DDX51: variants seen among roughly 807,000 people sequenced by gnomAD.
The protein encoded by DDX51 is DEAD-box helicase 51.
Under a neutral mutation model 74.6 loss-of-function variants are expected in DDX51, and 67 were observed. The observed-to-expected ratio is 0.90, with a 90% confidence interval of 0.74 to 1.10. The LOEUF is 1.10. Ranked by LOEUF, DDX51 falls within the 50% of genes least tolerant of loss-of-function variation. The pLI is 0.00. For synonymous variants in DDX51, 545 were observed against 402.9 expected, an observed-to-expected ratio of 1.35 and a Z score of -4.22; for missense variants, 1,056 against 905.2, an observed-to-expected ratio of 1.17 and a Z score of -2.14.
chr12:132,139,380 C>G (rs1462763029), intron 14 of DDX51, 82 bp from the exon 15 acceptor site: 2 of 1,570,320 alleles, frequency 1.3e-6, no homozygotes, highest in African/African-American at 1.3e-5. Flanking sequence ...CCCCTGGAAC[C>G]CTGAGGACAG....
intron 6 of DDX51, 63 bp from the exon 7 acceptor site, chr12:132,141,669 G>A (rs1245152580): frequency 6.6e-6 from 10 of 1,517,104 alleles, no homozygotes; most frequent in East Asian, 2.3e-5. Context: ...ATAGCAAGAC[G>A]CTGCCTCACC....
Position 132,144,224 on chromosome 12 carries a change from C to T in DDX51, c.73G>A (p.Ala25Thr), listed in dbSNP as rs1377206306. 5.8e-6 allele frequency: 7 copies of T among 1,214,030 alleles called. No individual in the cohort carries two copies. The highest frequency in any genetic ancestry group is 1.6e-5 in the African/African-American group (1 of 63,334). 75.2% of individuals were successfully genotyped at this position (1,214,030 alleles called of 1,614,324 possible). A position where few individuals can be genotyped will look rare whatever the true frequency, so the allele number is the denominator to read the frequency against. Residue 25 changes from alanine (A) to threonine (T), a missense_variant, in exon 1 of 15, where the codon GCC (alanine) becomes ACC (threonine). By Grantham distance (58) the Ala-to-Thr change is moderately conservative. Coordinates refer to ENST00000397333, the MANE Select transcript of DDX51 (RefSeq NM_175066.4). ...AAAAGPEGAE[A>T]GAHGRARALL... ...GCGCGGGCCCTGCCGTGCGCCCCGGCCTCCGCGCCCTCCGGCCCCGCCGCA... is the reference window on the plus strand; with the variant it reads ...GCGCGGGCCCTGCCGTGCGCCCCGGTCTCCGCGCCCTCCGGCCCCGCCGCA...
In DDX51 at chr12:132,141,961, A is replaced by C. The variant is rs1171983102; in HGVS notation, c.889-5T>G. 1 of 1,612,790 alleles carries C rather than the reference A, an allele frequency of 6.2e-7. No homozygotes were observed. The highest frequency in any genetic ancestry group is 2.2e-5 in the East Asian group (1 of 44,884). The stretch of plus-strand genomic sequence containing the variant: ...GATGTTGAAAACTTTGCTCACCTGC[A>C]GGAGAAGTCTGTCACTGGCCTGGAG... On this transcript the variant is annotated splice_region_variant and splice_polypyrimidine_tract_variant and intron_variant, in intron 5 of 14. Transcript: ENST00000397333.
rs772105564 is a variant in DDX51 at position 132,140,152 on chromosome 12, A to G, written c.1721T>C (p.Val574Ala). 3.7e-6 allele frequency: 6 copies of G among 1,612,790 alleles called. No homozygotes were observed. Among genetic ancestry groups the G allele is most frequent in the South Asian group, 1.1e-5 (1 of 91,094 alleles). The stretch of plus-strand genomic sequence containing the variant: ...GGCGTCGTAGTTCACCACCAGCTCC[A>G]CACCCTGCACGTCGATGCCTCGCGC... ...ATARGIDVQG[V>A]ELVVNYDAPQ... The change falls in exon 12 of 15, where the codon GTG (valine) becomes GCG (alanine). Residue 574 changes from valine (V) to alanine (A), a missense_variant. Coordinates refer to ENST00000397333, the MANE Select transcript of DDX51 (RefSeq NM_175066.4).
chr12:132,142,165 T>C lies in DDX51; in HGVS notation c.842A>G (p.His281Arg). ...GGGCAGCACAACCAGGGCACGGATG[T>C]GGCAGACCACTCTCGAAAGCAGGGC... ...VQALLSRVVC[H>R]IRALVVLPTK... The change falls in exon 5 of 15, where the codon CAC becomes CGC. Residue 281 changes from histidine to arginine, a missense_variant. By Grantham distance (29) the His-to-Arg change is conservative. Transcript: ENST00000397333. 6.4e-7 allele frequency: 1 copy of C among 1,556,158 alleles called. No homozygotes were observed. The highest frequency in any genetic ancestry group is 2.3e-5 in the East Asian group (1 of 44,396).
rs1014860787 is a variant in DDX51 at position 132,139,213 on chromosome 12, C to T, written c.*59G>A. On this transcript the variant is annotated 3_prime_UTR_variant, in exon 15 of 15. Coordinates refer to ENST00000397333, the MANE Select transcript of DDX51 (RefSeq NM_175066.4). ...ATACAGGATCCAGTGATCAGCACTG[C>T]TCTGGAAGGAGGGTCAGGGTGGTGA... 2.5e-6 allele frequency: 4 copies of T among 1,587,838 alleles called. No homozygotes were observed. The Admixed American group carries it at 5.2e-5, about 21-fold the overall frequency.
In DDX51 at chr12:132,141,276, T is replaced by C. The variant is rs998955006; in HGVS notation, c.1249A>G (p.Ser417Gly). The C allele has an allele frequency of 4.4e-6, 7 of 1,589,860 alleles. No individual in the cohort carries two copies. The highest frequency in any genetic ancestry group is 6.0e-6 in the Non-Finnish European group (7 of 1,173,744). Residue 417 changes from serine to glycine, a missense_variant and splice_region_variant, in exon 8 of 15, where the codon AGC becomes GGC. Coordinates refer to ENST00000397333, the MANE Select transcript of DDX51 (RefSeq NM_175066.4). ...RRQAQAVTAASTCCPQMPLQK... is the reference protein window; with the variant it reads ...RRQAQAVTAAGTCCPQMPLQK... Reference sequence around the variant, plus strand: ...GCACCTGGGCGTGCTGCTGGATACCTGGCGGCTGTCACAGCCTGGGCCTGC... The same window carrying C: ...GCACCTGGGCGTGCTGCTGGATACCCGGCGGCTGTCACAGCCTGGGCCTGC...
intron 8 of DDX51, 28 bp from the exon 9 acceptor site, chr12:132,141,048 C>A (rs766837706): frequency 6.4e-7 from 1 of 1,569,270 alleles, no homozygotes; most frequent in Non-Finnish European, 8.6e-7. Context: ...GTTGCTGGCA[C>A]CCTACCAGTG....
intron 3 of DDX51, 21 bp from the exon 4 acceptor site, chr12:132,142,443 G>C (rs1339022070): frequency 2.5e-6 from 4 of 1,608,426 alleles, no homozygotes; most frequent in Non-Finnish European, 3.4e-6. Context: ...AAAGGCGAGA[G>C]AGAAGTCGTG....
At chr12:132,143,582 G>T in intron 2 of DDX51, 113 bp downstream of exon 2, 1 of 1,374,538 alleles carries the variant, frequency 7.3e-7, no homozygotes, top group Non-Finnish European at 9.9e-7. Context: ...GCGAGGCGCG[G>T]CTGTGACCCG....
At position 132,139,270 on chromosome 12, in the gene DDX51, G is replaced by C; in HGVS notation, c.*2C>G. ...AGTCCCTCCGGCCCTCTGAGCCCCAGCCTAGGCCGCCCTCTGCTTGCGCTC... is the reference window on the plus strand; with the variant it reads ...AGTCCCTCCGGCCCTCTGAGCCCCACCCTAGGCCGCCCTCTGCTTGCGCTC... On this transcript the variant is annotated 3_prime_UTR_variant, in exon 15 of 15. Coordinates refer to ENST00000397333, the MANE Select transcript of DDX51 (RefSeq NM_175066.4). 1 of 1,608,256 alleles carries C rather than the reference G, an allele frequency of 6.2e-7. No individual in the cohort carries two copies. The highest frequency in any genetic ancestry group is 8.5e-7 in the Non-Finnish European group (1 of 1,178,768).
In DDX51 at chr12:132,141,336, C is replaced by T; in HGVS notation, c.1189G>A (p.Asp397Asn). Residue 397 changes from aspartate to asparagine, a missense_variant, in exon 8 of 15, where the codon GAC becomes AAC. Coordinates refer to ENST00000397333, the MANE Select transcript of DDX51 (RefSeq NM_175066.4). ...RVVAAAFQSEDPADPCALLQR... is the reference protein window; with the variant it reads ...RVVAAAFQSENPADPCALLQR... ...AGCAGGGCACAGGGGTCCGCGGGGT[C>T]CTCGCTCTGGAAGGCGGCCGCCACC... 1 of 1,598,846 alleles carries T rather than the reference C, an allele frequency of 6.3e-7. No homozygotes were observed. Among genetic ancestry groups the T allele is most frequent in the Non-Finnish European group, 8.5e-7 (1 of 1,179,704 alleles).
intron 12 of DDX51, 82 bp downstream of exon 12, chr12:132,140,016 C>A (rs1044111714): frequency 2.5e-6 from 4 of 1,606,432 alleles, no homozygotes; most frequent in Non-Finnish European, 2.6e-6. Context: ...CCCCACCCCA[C>A]GCCAGTCAAG....
chr12:132,141,525 T>G lies in DDX51; in HGVS notation c.1077A>C (p.Gly359=). The G allele has an allele frequency of 1.2e-6, 2 of 1,601,530 alleles. No individual in the cohort carries two copies. The highest frequency in any genetic ancestry group is 1.7e-6 in the Non-Finnish European group (2 of 1,176,960). ...GGAAGCGGAGCTGCTGGAGGCTGAATCCTGGGGTCTGGTCGATGTGGTCCA... is the reference window on the plus strand; with the variant it reads ...GGAAGCGGAGCTGCTGGAGGCTGAAGCCTGGGGTCTGGTCGATGTGGTCCA... ...RLVDHIDQTP[G]FSLQQLRFLI... The change falls in exon 7 of 15, where the codon GGA becomes GGC. Residue 359 remains glycine, a synonymous_variant. Coordinates refer to ENST00000397333, the MANE Select transcript of DDX51 (RefSeq NM_175066.4).
rs1897340122 is a variant in DDX51, at chr12:132,138,710, C to G, written c.*562G>C. ...TCTCAGCTCACTGCAACCTCCACCTCCCGGGTTCAAGCCATTTTCCTGCCT... is the reference window on the plus strand; with the variant it reads ...TCTCAGCTCACTGCAACCTCCACCTGCCGGGTTCAAGCCATTTTCCTGCCT... On this transcript the variant is annotated 3_prime_UTR_variant, in exon 15 of 15. Coordinates refer to ENST00000397333, the MANE Select transcript of DDX51 (RefSeq NM_175066.4). The G allele has an allele frequency of 1.3e-5, 2 of 152,254 alleles. No homozygotes were observed. Among genetic ancestry groups the G allele is most frequent in the Admixed American group, 1.3e-4 (2 of 15,258 alleles). The allele number at this position is 152,254 out of a possible 1,614,324, so 9.4% of individuals were successfully genotyped here.
intron 1 of DDX51, 39 bp from the exon 2 acceptor site, chr12:132,143,948 G>T: frequency 6.8e-7 from 1 of 1,472,260 alleles, no homozygotes; most frequent in Non-Finnish European, 8.9e-7. Context: ...CGTCAGCACC[G>T]AGTCGCCGGC....
chr12:132,143,864 T>C lies in DDX51; in HGVS notation c.350A>G (p.Glu117Gly). 6.5e-7 allele frequency: 1 copy of C among 1,530,132 alleles called. No individual in the cohort carries two copies. Among genetic ancestry groups the C allele is most frequent in the Non-Finnish European group, 8.7e-7 (1 of 1,146,470 alleles). 94.8% of individuals were successfully genotyped at this position (1,530,132 alleles called of 1,614,324 possible). A position where few individuals can be genotyped will look rare whatever the true frequency, so the allele number is the denominator to read the frequency against. The change falls in exon 2 of 15, where the codon GAG (glutamate) becomes GGG (glycine). Residue 117 changes from glutamate (E) to glycine (G), a missense_variant. By Grantham distance (98) the Glu-to-Gly change is moderately conservative. Coordinates refer to ENST00000397333, the MANE Select transcript of DDX51 (RefSeq NM_175066.4). ...APGEPSAGSS[E>G]EAPGEPSAGS... ...TGCGCTGGGCTCCCCTGGCGCCTCCTCGCTGCTCCCTGCGCTGGGCTCCCC... is the reference window on the plus strand; with the variant it reads ...TGCGCTGGGCTCCCCTGGCGCCTCCCCGCTGCTCCCTGCGCTGGGCTCCCC...
chr12:132,139,684 A>G lies in DDX51; in HGVS notation c.1925T>C (p.Leu642Pro), dbSNP rs772304048. 3.1e-6 allele frequency: 5 copies of G among 1,612,878 alleles called. No individual in the cohort carries two copies. The Admixed American group carries it at 5.0e-5, about 16-fold the overall frequency. The stretch of plus-strand genomic sequence containing the variant: ...CAGGGCCTCCTCGTACCGAGGAACC[A>G]GCGGCTGCAGCAGCTTGCTGGAGAG... ...HELSSKLLQPLVPRYEEALSQ... is the reference protein window; with the variant it reads ...HELSSKLLQPPVPRYEEALSQ... Residue 642 changes from leucine to proline, a missense_variant, in exon 14 of 15, where the codon CTG becomes CCG. Leu to Pro is a moderately conservative substitution (Grantham distance 98, BLOSUM62 -3). Coordinates refer to ENST00000397333, the MANE Select transcript of DDX51 (RefSeq NM_175066.4).
Position 132,140,187 on chromosome 12 carries a change from CGT to C in DDX51, c.1684_1685del (p.Thr562GlyfsTer61). ...EQGKIQLLIS[T>X]DATARGIDVQ... The stretch of plus-strand genomic sequence containing the variant: ...CGTCGATGCCTCGCGCGGTGGCGTC[CGT>C]GCTGATGAGCCTGCCGGGACACGCA... On this transcript the variant is annotated frameshift_variant, in exon 12 of 15. Transcript: ENST00000397333. LOFTEE classifies it high-confidence loss of function. 1 of 1,612,424 alleles carries C rather than the reference CGT, an allele frequency of 6.2e-7. No homozygotes were observed. The highest frequency in any genetic ancestry group is 1.3e-5 in the African/African-American group (1 of 75,046).
Sources: gnomAD v4.1 joint callset for allele counts on GRCh38, gnomAD v4.1.1 for gene constraint, MANE v1.5 for transcripts, NCBI Gene and HGNC (gene_info 2026-07-23, HGNC 2026-07-21) for gene names.